The following GLI3 variants were observed in gnomAD, a reference collection of about 807,000 sequenced individuals.
GLI3 encodes transcription activator GLI3.
GLI3 carries 20 observed loss-of-function variants against 100.8 expected under a neutral mutation model. The ratio of observed to expected loss-of-function variants is 0.20; its 90% CI spans 0.14 to 0.29. GLI3 has a LOEUF of 0.29. Among genes scored for constraint, GLI3 ranks in the 10% least tolerant of loss-of-function variants. The pLI is 1.00. For synonymous variants in GLI3, 938 were observed against 860.5 expected, an observed-to-expected ratio of 1.09 and a Z score of -1.58; for missense variants, 2,040 against 2,128.5, an observed-to-expected ratio of 0.96 and a Z score of 0.82.
At chr7:42,054,951 C>T (rs904401671) in intron 4 of GLI3, among the ~76,000 whole-genome samples, 6 of 151,620 alleles carry the variant, frequency 4.0e-5, no homozygotes, top group Admixed American at 2.0e-4. Flanking sequence ...GCCATGAGTG[C>T]ACCACTGCAC....
At chr7:42,126,626 G>A (rs1260767039) in intron 3 of GLI3, among the ~76,000 whole-genome samples, 8 of 152,156 alleles carry the variant, frequency 5.3e-5, no homozygotes, top group Admixed American at 5.2e-4. Flanking sequence ...GAGTTTCCTG[G>A]TAAGCAATGA....
rs546454061 is a variant in GLI3 at position 42,027,374 on chromosome 7, T to A, written c.1029-962A>T. Among the ~76,000 whole-genome samples, 118 of 151,806 alleles carry A rather than the reference T, an allele frequency of 7.8e-4. 1 individual carries two copies. Among genetic ancestry groups the A allele is most frequent in the African/African-American group, 2.3e-3 (94 of 41,418 alleles). On this transcript the variant is annotated intron_variant, in intron 7 of 14. Transcript: ENST00000395925. ...AAAAAATAATCAGTGAAAAAAATAT[T>A]TATATATATATATGTATGTATTTCT...
At chr7:42,186,228 C>T (rs1196331977) in intron 2 of GLI3, among the ~76,000 whole-genome samples, 2 of 152,130 alleles carry the variant, frequency 1.3e-5, no homozygotes, top group Non-Finnish European at 1.5e-5. Context: ...TTCCAGCTCC[C>T]CAGAGCACTT....
At chr7:42,206,003 C>A (rs1255223877) in intron 2 of GLI3, among the ~76,000 whole-genome samples, 1 of 152,178 alleles carries the variant, frequency 6.6e-6, no homozygotes, top group East Asian at 1.9e-4. Context: ...TGCAGTGGCT[C>A]ATGCCTGTAA....
chr7:42,032,788 G>T (rs115907157), intron 7 of GLI3, among the ~76,000 whole-genome samples: 268 of 152,158 alleles, frequency 1.8e-3, no homozygotes, highest in African/African-American at 5.3e-3. Flanking sequence ...AACAATAGAG[G>T]AAAGTACGAA....
intron 2 of GLI3, among the ~76,000 whole-genome samples, chr7:42,182,863 T>C (rs12397717): frequency 0.61 from 91,580 of 150,956 alleles, 28,761 homozygotes; most frequent in African/African-American, 0.76. Context: ...GCGCAGATCG[T>C]TTGAGGCCAG....
intron 4 of GLI3, among the ~76,000 whole-genome samples, chr7:42,058,436 G>A (rs1011635882): frequency 1.3e-5 from 2 of 152,212 alleles, no homozygotes; most frequent in East Asian, 1.9e-4. Context: ...CAAATACATC[G>A]AGATTTCCCA....
intron 8 of GLI3, 74 bp downstream of exon 8, chr7:42,026,124 TA>T (rs1789103631): frequency 1.1e-6 from 1 of 936,766 alleles, no homozygotes; most frequent in South Asian, 1.4e-5. Context: ...CCGTGTTGAT[TA>T]ACAGCTGACG....
chr7:42,244,578 G>T (rs372985124), intron 1 of GLI3, among the ~76,000 whole-genome samples: 1 of 152,192 alleles, frequency 6.6e-6, no homozygotes, highest in East Asian at 1.9e-4. Flanking sequence ...ATGAAGTGGA[G>T]AATTGAGTAA....
intron 10 of GLI3, among the ~76,000 whole-genome samples, chr7:42,001,988 A>C (rs575303530): frequency 7.5e-4 from 114 of 152,220 alleles, no homozygotes; most frequent in Non-Finnish European, 1.4e-3. Flanking sequence ...ATAAGCAAAA[A>C]CACTATTTTT....
At chr7:42,255,656 T>C (rs1407633711) in intron 1 of GLI3, among the ~76,000 whole-genome samples, 2 of 152,208 alleles carry the variant, frequency 1.3e-5, no homozygotes, top group Non-Finnish European at 2.9e-5. Flanking sequence ...TCGTCTTCAT[T>C]GCTGAAGAGC....
chr7:42,063,317 C>T (rs1365429505), intron 4 of GLI3, among the ~76,000 whole-genome samples: 1 of 152,036 alleles, frequency 6.6e-6, no homozygotes, highest in Non-Finnish European at 1.5e-5. Flanking sequence ...ATATGACATA[C>T]TACATATCCT....
chr7:42,190,156 G>C (rs58798488), intron 2 of GLI3, among the ~76,000 whole-genome samples: 15,351 of 149,146 alleles, frequency 0.1, 908 homozygotes, highest in South Asian at 0.23. Context: ...AAAAAAAACA[G>C]TATATGGAAT....
At chr7:42,224,525 C>T (rs1788548056) in intron 1 of GLI3, among the ~76,000 whole-genome samples, 2 of 152,234 alleles carry the variant, frequency 1.3e-5, no homozygotes, top group African/African-American at 4.8e-5. Flanking sequence ...GGCTCTTCCA[C>T]TCACTTCCAT....
chr7:42,237,506 A>G (rs1007787741), upstream of GLI3, among the ~76,000 whole-genome samples: 1 of 150,930 alleles, frequency 6.6e-6, no homozygotes, highest in African/African-American at 2.4e-5. Flanking sequence ...CACGGGGTGG[A>G]AAAGTTGTCC....
chr7:42,002,220 A>C (rs1278510870), intron 10 of GLI3, among the ~76,000 whole-genome samples: 1 of 152,198 alleles, frequency 6.6e-6, no homozygotes, highest in African/African-American at 2.4e-5. Context: ...GCTCATAAGA[A>C]AGTCACTAAA....
chr7:42,108,026 T>C (rs1304768026), intron 3 of GLI3, among the ~76,000 whole-genome samples: 2 of 152,186 alleles, frequency 1.3e-5, no homozygotes, highest in African/African-American at 4.8e-5. Flanking sequence ...ACCAAATTTA[T>C]TGCCCCTGAG....
chr7:42,148,404 C>G lies in GLI3; in HGVS notation c.189G>C (p.Gln63His). ...TGACTTTGCTGAGCCCCTGGACATT[C>G]TGTGGCTGCATAGTGATTGCGTTTC... ...ERRNAITMQP[Q>H]NVQGLSKVSE... is the part of the protein sequence containing the mutation. The change falls in exon 3 of 15, where the codon CAG (glutamine) becomes CAC (histidine). Residue 63 changes from glutamine (Q) to histidine (H), a missense_variant. By Grantham distance (24) the Gln-to-His change is conservative (BLOSUM62 0). Transcript: ENST00000395925. 1 of 1,614,050 alleles carries G rather than the reference C, an allele frequency of 6.2e-7. No individual in the cohort carries two copies. Among genetic ancestry groups the G allele is most frequent in the Non-Finnish European group, 8.5e-7 (1 of 1,179,910 alleles).
intron 1 of GLI3, among the ~76,000 whole-genome samples, chr7:42,226,915 C>T (rs1402190925): frequency 6.6e-6 from 1 of 152,102 alleles, no homozygotes; most frequent in Non-Finnish European, 1.5e-5. Context: ...GAAAGTCACT[C>T]CTGAGCTGGT....
Sources: gnomAD v4.1 joint callset for allele counts (sites outside exome capture counted in the v4.1 genomes callset) on GRCh38, gnomAD v4.1.1 for gene constraint, MANE v1.5 for transcripts, NCBI Gene and HGNC (gene_info 2026-07-23, HGNC 2026-07-21) for gene names.